PAX3: variants seen among roughly 807,000 people sequenced by gnomAD.
PAX3 encodes paired box 3.
In PAX3, 14 loss-of-function variants were observed where a neutral mutation model predicts 51.6. The observed-to-expected ratio is 0.27, with a 90% CI of 0.18 to 0.42. PAX3 has a LOEUF of 0.42. Among genes scored for constraint, PAX3 ranks in the 10% least tolerant of loss-of-function variants. PAX3 has a pLI of 1.00. For synonymous variants in PAX3, 280 were observed against 253.4 expected, an observed-to-expected ratio of 1.11 and a Z score of -1.00; for missense variants, 540 against 642.8, an observed-to-expected ratio of 0.84 and a Z score of 1.73.
At chr2:222,213,291 C>T (rs560548929) in intron 7 of PAX3, among the ~76,000 whole-genome samples, 140 of 152,128 alleles carry the variant, frequency 9.2e-4, no homozygotes, top group Non-Finnish European at 1.7e-3. Flanking sequence ...TTAAGTGTAG[C>T]GACCACAGCC....
chr2:222,294,088 C>A (rs1159684310), intron 4 of PAX3, 79 bp downstream of exon 4: 1 of 1,601,118 alleles, frequency 6.2e-7, no homozygotes, highest in African/African-American at 1.3e-5. Context: ...GGCTTGGCTG[C>A]CGTCAGATCA....
intron 4 of PAX3, chr2:222,287,246 C>A (rs564899256): frequency 1.7e-4 from 26 of 152,156 alleles, no homozygotes; most frequent in African/African-American, 6.3e-4. Context: ...TTTTCAATAA[C>A]CTTTATTAGG....
At chr2:222,251,060 G>A (rs1158983975) in intron 4 of PAX3, among the ~76,000 whole-genome samples, 2 of 151,976 alleles carry the variant, frequency 1.3e-5, no homozygotes, top group Non-Finnish European at 2.9e-5. Flanking sequence ...CAGGTGAAGG[G>A]GGAACACTGT....
intron 7 of PAX3, among the ~76,000 whole-genome samples, chr2:222,210,791 T>C (rs550617227): frequency 6.6e-6 from 1 of 152,302 alleles, no homozygotes; most frequent in Admixed American, 6.5e-5. Flanking sequence ...ACATACCGCC[T>C]TTCCTTTGAT....
chr2:222,256,705 T>A (rs1478512412), intron 4 of PAX3, among the ~76,000 whole-genome samples: 1 of 152,346 alleles, frequency 6.6e-6, no homozygotes, highest in East Asian at 1.9e-4. Context: ...CTAAACATCA[T>A]AAAGTGAATA....
chr2:222,207,265 C>G (rs942406638), intron 7 of PAX3, among the ~76,000 whole-genome samples: 3 of 152,148 alleles, frequency 2.0e-5, no homozygotes, highest in South Asian at 4.2e-4. Flanking sequence ...TGAAAATGTC[C>G]TCAGATTCAA....
At chr2:222,232,734 A>G (rs568899731) in intron 4 of PAX3, among the ~76,000 whole-genome samples, 1 of 152,254 alleles carries the variant, frequency 6.6e-6, no homozygotes, top group South Asian at 2.1e-4. Flanking sequence ...GTTTCTGATA[A>G]ATTTTCACCA....
At chr2:222,203,466 G>A (rs928421635) in intron 7 of PAX3, among the ~76,000 whole-genome samples, 2 of 152,074 alleles carry the variant, frequency 1.3e-5, no homozygotes, top group African/African-American at 4.8e-5. Context: ...CTTATTTTAG[G>A]AAGTGTGAAG....
At chr2:222,260,117 C>G (rs1016354860) in intron 4 of PAX3, among the ~76,000 whole-genome samples, 1 of 152,162 alleles carries the variant, frequency 6.6e-6, no homozygotes, top group Non-Finnish European at 1.5e-5. Context: ...TCAGGCAATT[C>G]TCCTGCCTCA....
intron 2 of PAX3, 111 bp from the exon 3 acceptor site, chr2:222,295,768 G>T (rs1363353088): frequency 3.9e-6 from 5 of 1,290,782 alleles, no homozygotes; most frequent in Non-Finnish European, 5.6e-6. Flanking sequence ...CCTCTGGGAC[G>T]GTCCCCCTTT....
At chr2:222,203,982 G>C (rs912698136) in intron 7 of PAX3, among the ~76,000 whole-genome samples, 1 of 152,122 alleles carries the variant, frequency 6.6e-6, no homozygotes, top group Admixed American at 6.6e-5. Context: ...AGGTGGGCTG[G>C]TGTGGGCAAA....
chr2:222,248,097 C>T lies in PAX3; in HGVS notation c.587-15814G>A, dbSNP rs558102857. On this transcript the variant is annotated intron_variant, in intron 4 of 8. Coordinates refer to ENST00000392070, the MANE Select transcript of PAX3 (RefSeq NM_181458.4). ...GTATTATTCACAAATTTTTTTCACT[C>T]AAATAACATGTATATTCAATTACTG... Among the ~76,000 whole-genome samples, 24 of 152,134 alleles carry T rather than the reference C, an allele frequency of 1.6e-4. No homozygotes were observed. In the East Asian group the frequency reaches 1.9e-3, roughly 12 times the overall value.
intron 7 of PAX3, among the ~76,000 whole-genome samples, chr2:222,216,279 AT>A (rs1230087680): frequency 2.0e-5 from 3 of 152,198 alleles, no homozygotes; most frequent in African/African-American, 4.8e-5. Context: ...CACTCCATCA[AT>A]TAAATGATTG....
intron 7 of PAX3, among the ~76,000 whole-genome samples, chr2:222,203,074 G>T (rs1378910294): frequency 8.8e-6 from 1 of 113,778 alleles, no homozygotes; most frequent in East Asian, 3.2e-4. Context: ...TAAAAGGAAA[G>T]ACAAGCCTGA....
Position 222,206,887 on chromosome 2 carries a change from C to T in PAX3, c.1174-4697G>A, listed in dbSNP as rs887687392. Among the ~76,000 whole-genome samples the T allele has an allele frequency of 4.6e-5, 7 of 152,126 alleles. No individual in the cohort carries two copies. In the East Asian group the frequency reaches 5.8e-4, roughly 13 times the overall value. ...CAGTAAATTATGGTGCACATCCAGG[C>T]GCTTCTTTTTTCTTTAGTAGGAATT... On this transcript the variant is annotated intron_variant, in intron 7 of 8. Coordinates refer to ENST00000392070, the MANE Select transcript of PAX3 (RefSeq NM_181458.4).
intron 4 of PAX3, among the ~76,000 whole-genome samples, chr2:222,248,311 A>G (rs1049801877): frequency 6.6e-6 from 1 of 152,210 alleles, no homozygotes; most frequent in Non-Finnish European, 1.5e-5. Context: ...TGCTTGCCAA[A>G]ATGGACCAAC....
intron 5 of PAX3, among the ~76,000 whole-genome samples, chr2:222,223,660 G>T (rs1213462043): frequency 2.0e-5 from 3 of 152,222 alleles, no homozygotes; most frequent in Non-Finnish European, 4.4e-5. Context: ...TCCCGGCTCA[G>T]ATCAGGTAGT....
At chr2:222,247,412 G>A (rs920049632) in intron 4 of PAX3, among the ~76,000 whole-genome samples, 3 of 152,118 alleles carry the variant, frequency 2.0e-5, no homozygotes, top group Admixed American at 6.6e-5. Context: ...AGTCAGAGAC[G>A]TTCATGTTTT....
chr2:222,238,354 G>C lies in PAX3; in HGVS notation c.587-6071C>G, dbSNP rs141403185. 4.2e-3 allele frequency among the ~76,000 whole-genome samples: 646 copies of C among 152,230 alleles called. 8 individuals are homozygous for C. The highest frequency in any genetic ancestry group is 0.014 in the African/African-American group (590 of 41,542). On this transcript the variant is annotated intron_variant, in intron 4 of 8. Coordinates refer to ENST00000392070, the MANE Select transcript of PAX3 (RefSeq NM_181458.4). ...TTAACACTATTATACATGAAATCTT[G>C]CCTCAATTTTATAGGGATTTAGTCA...
Sources: allele counts gnomAD v4.1 joint callset (sites outside exome capture counted in the v4.1 genomes callset), GRCh38; gene constraint gnomAD v4.1.1; transcripts MANE v1.5; gene names NCBI Gene and HGNC (gene_info 2026-07-23, HGNC 2026-07-21).